Variants in CHD6 observed in about 807,000 individuals in gnomAD.
CHD6 encodes ATP-dependent chromatin remodeler CHD6.
In CHD6, 50 loss-of-function variants were observed where a neutral mutation model predicts 276.9. The ratio of observed to expected loss-of-function variants is 0.18; its 90% CI spans 0.14 to 0.23. The LOEUF is 0.23. Among genes scored for constraint, CHD6 ranks in the 10% least tolerant of loss-of-function variants. CHD6 has a pLI of 1.00. For synonymous variants in CHD6, 1,173 were observed against 1,229.3 expected, an observed-to-expected ratio of 0.95 and a Z score of 0.96; for missense variants, 2,564 against 3,365.8, an observed-to-expected ratio of 0.76 and a Z score of 5.89.
At chr20:41,551,209 G>T (rs1351571730) in intron 2 of CHD6, 96 bp downstream of exon 2, 8 of 801,122 alleles carry the variant, frequency 1.0e-5, no homozygotes, top group Non-Finnish European at 1.7e-5. Context: ...AAGTACCAGA[G>T]ATTAAGGGAT....
In CHD6 at chr20:41,445,758, C is replaced by T. The variant is rs763923413; in HGVS notation, c.3784G>A (p.Val1262Ile). ...FEGSPARELDVPLPDIDYMEI... is the reference protein window; with the variant it reads ...FEGSPARELDIPLPDIDYMEI... Reference sequence around the variant, plus strand: ...ATGTAGTCGATGTCAGGCAGAGGTACATCCAGCTCCCTAGGGAAGGAAGGG... The same window carrying T: ...ATGTAGTCGATGTCAGGCAGAGGTATATCCAGCTCCCTAGGGAAGGAAGGG... The change falls in exon 25 of 37, where the codon GTA becomes ATA. Residue 1262 changes from valine (V) to isoleucine (I), a missense_variant. Around this residue, in one of 7 missense-constraint regions of CHD6, gnomAD observed 515 missense variants for 739.5 expected, o/e 0.70. Transcript: ENST00000373233. 38 of 1,610,856 alleles carry T rather than the reference C, an allele frequency of 2.4e-5. No homozygotes were observed. The South Asian group carries it at 3.3e-4, about 14-fold the overall frequency.
intron 15 of CHD6, 27 bp from the exon 16 acceptor site, chr20:41,483,546 C>A: frequency 6.6e-7 from 1 of 1,518,792 alleles, no homozygotes; most frequent in South Asian, 1.2e-5. Flanking sequence ...CAAAACTATT[C>A]CTCGGACAGA....
In CHD6 at chr20:41,404,996, G is replaced by A; in HGVS notation, c.7745C>T (p.Thr2582Ile). The A allele has an allele frequency of 6.2e-7, 1 of 1,614,228 alleles. No homozygotes were observed. The highest frequency in any genetic ancestry group is 8.5e-7 in the Non-Finnish European group (1 of 1,180,042). ...KPSSHDVKTDTLAEDKPGPGP... is the reference protein window; with the variant it reads ...KPSSHDVKTDILAEDKPGPGP... ...TGGACCAGGCTTGTCCTCAGCTAAA[G>A]TGTCTGTTTTCACATCATGGCTACT... Residue 2582 changes from threonine to isoleucine, a missense_variant, in exon 37 of 37, where the codon ACT (threonine) becomes ATT (isoleucine). By Grantham distance (89) the Thr-to-Ile change is moderately conservative (BLOSUM62 -1). Transcript: ENST00000373233.
Position 41,423,619 on chromosome 20 carries a change from A to G in CHD6, c.4428T>C (p.Phe1476=), listed in dbSNP as rs753767464. 3.7e-6 allele frequency: 6 copies of G among 1,614,124 alleles called. No individual in the cohort carries two copies. Among genetic ancestry groups the G allele is most frequent in the Non-Finnish European group, 5.1e-6 (6 of 1,180,038 alleles). The change falls in exon 30 of 37, where the codon TTT becomes TTC. Residue 1476 remains phenylalanine, a synonymous_variant. Coordinates refer to ENST00000373233, the MANE Select transcript of CHD6 (RefSeq NM_032221.5). ...AAATGATGCGGAACTGTGTCCAGTC[A>G]AAGGTTTTCTTTTCTTGATCGTAAA... The part of the protein sequence containing the change: ...GVVYDQEKKT[F]DWTQFRIISR...
intron 16 of CHD6, among the ~76,000 whole-genome samples, chr20:41,481,825 G>T (rs1475224660): frequency 6.6e-6 from 1 of 151,504 alleles, no homozygotes; most frequent in African/African-American, 2.4e-5. Flanking sequence ...GAAAAATAAA[G>T]AAAAAAATTT....
At chr20:41,564,056 T>C (rs752040537) in intron 1 of CHD6, 5 of 779,456 alleles carry the variant, frequency 6.4e-6, no homozygotes, top group African/African-American at 1.7e-5. Context: ...ACACAAGCGT[T>C]GTGGGATTTG....
intron 17 of CHD6, among the ~76,000 whole-genome samples, chr20:41,464,885 A>T (rs892009848): frequency 1.3e-5 from 2 of 152,340 alleles, no homozygotes; most frequent in African/African-American, 4.8e-5. Flanking sequence ...GGAGCATGTC[A>T]AAAAAACACA....
intron 1 of CHD6, among the ~76,000 whole-genome samples, chr20:41,601,517 C>T (rs2045773239): frequency 6.6e-6 from 1 of 152,180 alleles, no homozygotes; most frequent in Non-Finnish European, 1.5e-5. Context: ...AAGGTAGCAA[C>T]CTGGAGACTA....
At chr20:41,604,755 T>A (rs547304484) in intron 1 of CHD6, among the ~76,000 whole-genome samples, 59 of 152,186 alleles carry the variant, frequency 3.9e-4, no homozygotes, top group African/African-American at 1.3e-3. Flanking sequence ...CAGAAAGAGG[T>A]AAGCAGGGAA....
intron 2 of CHD6, among the ~76,000 whole-genome samples, chr20:41,537,894 C>A (rs1195642272): frequency 6.7e-6 from 1 of 149,954 alleles, no homozygotes; most frequent in East Asian, 2.0e-4. Flanking sequence ...CACACATATA[C>A]ACAGAATTGA....
chr20:41,528,295 C>G, intron 3 of CHD6, among the ~76,000 whole-genome samples: 1 of 152,106 alleles, frequency 6.6e-6, no homozygotes. Context: ...TGATCCCCTC[C>G]TCCAGCTATA....
chr20:41,600,336 A>C (rs1251760933), intron 1 of CHD6, among the ~76,000 whole-genome samples: 1 of 152,230 alleles, frequency 6.6e-6, no homozygotes, highest in Middle Eastern at 3.2e-3. Context: ...GCCAGATACG[A>C]AACAGGACAT....
At chr20:41,593,141 T>C (rs1314227586) in intron 1 of CHD6, among the ~76,000 whole-genome samples, 1 of 149,350 alleles carries the variant, frequency 6.7e-6, no homozygotes, top group Non-Finnish European at 1.5e-5. Context: ...AAACAGTTCT[T>C]TGGTATCCAA....
chr20:41,448,541 T>C (rs1006038627), intron 23 of CHD6, among the ~76,000 whole-genome samples: 2 of 152,234 alleles, frequency 1.3e-5, no homozygotes, highest in African/African-American at 2.4e-5. Context: ...GCAACTACTA[T>C]ATGCTCTGCA....
intron 2 of CHD6, among the ~76,000 whole-genome samples, chr20:41,541,218 A>C (rs2044936340): frequency 6.6e-6 from 1 of 152,198 alleles, no homozygotes; most frequent in Admixed American, 6.5e-5. Context: ...TTTAGTATAC[A>C]GTCAGTCCCC....
At chr20:41,547,673 C>T in intron 2 of CHD6, 1 of 725,646 alleles carries the variant, frequency 1.4e-6, no homozygotes, top group Non-Finnish European at 2.3e-6. Context: ...TCATCAAAGC[C>T]CTCAAGGAAC....
At chr20:41,479,430 T>C (rs2043243996) in intron 16 of CHD6, among the ~76,000 whole-genome samples, 2 of 152,134 alleles carry the variant, frequency 1.3e-5, no homozygotes, top group Admixed American at 1.3e-4. Flanking sequence ...AATTAATGTA[T>C]TGCACACAGG....
At chr20:41,471,664 T>C (rs2043056337) in intron 17 of CHD6, among the ~76,000 whole-genome samples, 1 of 151,698 alleles carries the variant, frequency 6.6e-6, no homozygotes, top group African/African-American at 2.4e-5. Flanking sequence ...GTCTCCCGAG[T>C]AGCTGGGATT....
At chr20:41,541,507 C>T (rs536300507) in intron 2 of CHD6, among the ~76,000 whole-genome samples, 6 of 152,252 alleles carry the variant, frequency 3.9e-5, no homozygotes, top group Admixed American at 3.3e-4. Context: ...ATGAATTAGA[C>T]TGCCCAGCAA....
Sources: allele counts gnomAD v4.1 joint callset (sites outside exome capture counted in the v4.1 genomes callset), GRCh38; gene constraint gnomAD v4.1.1; regional missense constraint gnomAD v4.1.1; transcripts MANE v1.5; gene names NCBI Gene and HGNC (gene_info 2026-07-23, HGNC 2026-07-21).